Variants in PKD2 observed in about 807,000 individuals in gnomAD.
The protein encoded by PKD2 is polycystin 2, transient receptor potential cation channel.
In PKD2, 48 loss-of-function variants were observed where a neutral mutation model predicts 105.9. The ratio of observed to expected loss-of-function variants is 0.45; its 90% CI spans 0.36 to 0.58. The LOEUF (loss-of-function observed/expected upper bound fraction) is 0.58, where lower values mean the gene tolerates loss of function less well. PKD2 is among the 20% of genes least tolerant of loss of function. The probability of loss-of-function intolerance (pLI) is 0.00; values close to 1 mark genes in which losing one functional copy is unlikely to be tolerated. For synonymous variants in PKD2, 464 were observed against 481.1 expected (o/e 0.96, Z 0.46); for missense variants, 1,078 against 1,255.3 (o/e 0.86, Z 2.13).
At chr4:88,052,549 C>G (rs1477095156) in intron 7 of PKD2, among the ~76,000 whole-genome samples, 1 of 152,184 alleles carries the variant, frequency 6.6e-6, no homozygotes, top group Non-Finnish European at 1.5e-5. Flanking sequence ...GGATTACAGG[C>G]ATGAGCCACC....
intron 5 of PKD2, among the ~76,000 whole-genome samples, chr4:88,046,061 A>C (rs970398392): frequency 2.0e-5 from 3 of 152,012 alleles, no homozygotes; most frequent in Non-Finnish European, 4.4e-5. Context: ...AGGCCCAGGC[A>C]GGAGGATCAT....
chr4:88,067,323 G>A (rs189683782), intron 12 of PKD2, among the ~76,000 whole-genome samples: 9 of 152,130 alleles, frequency 5.9e-5, no homozygotes, highest in Admixed American at 1.3e-4. Context: ...TTTCAAATAA[G>A]GGATACTCAA....
chr4:88,059,136 T>TA (rs1239584032), intron 9 of PKD2, among the ~76,000 whole-genome samples: 1 of 152,068 alleles, frequency 6.6e-6, no homozygotes, highest in Non-Finnish European at 1.5e-5. Context: ...ATTTCCTGTT[T>TA]AAAAAAAATT....
chr4:88,054,820 A>G (rs1021466153), intron 7 of PKD2, among the ~76,000 whole-genome samples: 2 of 150,558 alleles, frequency 1.3e-5, no homozygotes, highest in Non-Finnish European at 3.0e-5. Flanking sequence ...ACGCCCGGCT[A>G]ATTTTTTATA....
At chr4:88,041,900 G>A (rs914235637) in intron 4 of PKD2, among the ~76,000 whole-genome samples, 3 of 152,114 alleles carry the variant, frequency 2.0e-5, no homozygotes, top group Non-Finnish European at 4.4e-5. Context: ...ACTCTTTTCT[G>A]CACATGAGCC....
At chr4:88,039,169 G>A (rs773473994) in intron 4 of PKD2, among the ~76,000 whole-genome samples, 4 of 152,138 alleles carry the variant, frequency 2.6e-5, no homozygotes, top group Non-Finnish European at 4.4e-5. Context: ...CTGTCCCTGG[G>A]TACGTCACTG....
intron 13 of PKD2, among the ~76,000 whole-genome samples, chr4:88,070,653 G>C (rs1002123482): frequency 5.3e-5 from 8 of 150,274 alleles, no homozygotes; most frequent in Admixed American, 1.3e-4. Flanking sequence ...GAGACAGGGA[G>C]ACAGGGTCTC....
intron 2 of PKD2, among the ~76,000 whole-genome samples, chr4:88,023,264 G>T (rs1045425973): frequency 2.6e-5 from 4 of 152,180 alleles, no homozygotes; most frequent in African/African-American, 9.7e-5. Context: ...GCAGGAGCTT[G>T]CACATCATGT....
rs927151115 is a variant in PKD2 at position 88,007,780 on chromosome 4, A to G, written c.47A>G (p.Lys16Arg). ...RVQPQQPGDA[K>R]RPPAPRAPDP... is the part of the protein sequence containing the mutation. ...CAGCCTCAGCAGCCCGGGGACGCCAAGCGGCCGCCCGCGCCCCGCGCGCCG... is the reference window on the plus strand; with the variant it reads ...CAGCCTCAGCAGCCCGGGGACGCCAGGCGGCCGCCCGCGCCCCGCGCGCCG... The change falls in exon 1 of 15, where the codon AAG (lysine) becomes AGG (arginine). Residue 16 changes from lysine (K) to arginine (R), a missense_variant. Lys to Arg is a conservative substitution (Grantham distance 26). Transcript: ENST00000237596. 1 of 1,168,944 alleles carries G rather than the reference A, an allele frequency of 8.6e-7. No homozygotes were observed. Among genetic ancestry groups the G allele is most frequent in the African/African-American group, 1.6e-5 (1 of 60,860 alleles). The allele number at this position is 1,168,944 out of a possible 1,614,324, so 72.4% of individuals were successfully genotyped here. A position where few individuals can be genotyped will look rare whatever the true frequency, so the allele number is the denominator to read the frequency against.
At chr4:88,035,563 T>G (rs1727302700) in intron 2 of PKD2, among the ~76,000 whole-genome samples, 1 of 152,074 alleles carries the variant, frequency 6.6e-6, no homozygotes, top group Non-Finnish European at 1.5e-5. Flanking sequence ...AGGGATTCCC[T>G]CAGCAGCCAT....
chr4:88,014,536 C>T (rs927328676), intron 1 of PKD2, among the ~76,000 whole-genome samples: 1 of 150,934 alleles, frequency 6.6e-6, no homozygotes, highest in African/African-American at 2.4e-5. Context: ...CTTAAGGTAG[C>T]AACTGTCTAT....
At chr4:88,046,381 A>G (rs140531331) in intron 5 of PKD2, among the ~76,000 whole-genome samples, 68 of 152,344 alleles carry the variant, frequency 4.5e-4, no homozygotes, top group African/African-American at 1.5e-3. Context: ...GCGTAAATAT[A>G]GAAAAGTGTA....
intron 8 of PKD2, among the ~76,000 whole-genome samples, chr4:88,056,832 ATC>A (rs140133355): frequency 2.2e-3 from 338 of 152,336 alleles, no homozygotes; most frequent in African/African-American, 7.0e-3. Context: ...GTGCATAGAT[ATC>A]TCGAATTAAT....
Position 88,007,645 on chromosome 4 carries a change from G to T in PKD2, c.-89G>T. The stretch of plus-strand genomic sequence containing the variant: ...TCGGGGGCGGGGAGCAGGCGGCGGC[G>T]GGCGCCGGGAAGAAAGGAACATGGC... On this transcript the variant is annotated 5_prime_UTR_variant, in exon 1 of 15. Transcript: ENST00000237596. 2 of 869,678 alleles carry T rather than the reference G, an allele frequency of 2.3e-6. No individual in the cohort carries two copies. Among genetic ancestry groups the T allele is most frequent in the South Asian group, 9.5e-5 (2 of 20,980 alleles). The allele number at this position is 869,678 out of a possible 1,614,324, so 53.9% of individuals were successfully genotyped here.
intron 7 of PKD2, among the ~76,000 whole-genome samples, chr4:88,054,599 G>A (rs960421748): frequency 1.3e-5 from 2 of 148,382 alleles, no homozygotes; most frequent in Admixed American, 6.7e-5. Context: ...GAAATGTCTT[G>A]CCCCTCGATA....
chr4:88,012,646 G>A, intron 1 of PKD2, among the ~76,000 whole-genome samples: 1 of 151,628 alleles, frequency 6.6e-6, no homozygotes, highest in East Asian at 1.9e-4. Flanking sequence ...TATGTAAATG[G>A]ACTTAACACA....
chr4:88,065,366 T>A lies in PKD2; in HGVS notation c.2119-8T>A, dbSNP rs761237217. The A allele has an allele frequency of 1.9e-6, 3 of 1,610,978 alleles. No individual in the cohort carries two copies. Among genetic ancestry groups the A allele is most frequent in the South Asian group, 2.2e-5 (2 of 91,016 alleles). On this transcript the variant is annotated splice_region_variant and splice_polypyrimidine_tract_variant and intron_variant, in intron 10 of 14. Transcript: ENST00000237596. The stretch of plus-strand genomic sequence containing the variant: ...AACCAAGTCTTTTATTTTTTCTCTC[T>A]CTGATAGGGCTACCATAAAGCTTTG...
chr4:88,034,480 C>T (rs1727263017), intron 2 of PKD2, among the ~76,000 whole-genome samples: 1 of 151,858 alleles, frequency 6.6e-6, no homozygotes, highest in South Asian at 2.1e-4. Flanking sequence ...ACCAACCTGA[C>T]CAACATGGTG....
chr4:88,070,614 A>AGAGG (rs1553928348), intron 13 of PKD2, among the ~76,000 whole-genome samples: 14 of 145,190 alleles, frequency 9.6e-5, no homozygotes, highest in South Asian at 2.1e-4. Flanking sequence ...AGAGAGAGAG[A>AGAGG]GAGAGAGAGA....
Sources: allele counts gnomAD v4.1 joint callset (sites outside exome capture counted in the v4.1 genomes callset), GRCh38; gene constraint gnomAD v4.1.1; transcripts MANE v1.5; gene names NCBI Gene and HGNC (gene_info 2026-07-23, HGNC 2026-07-21).